FANCC: variants seen among roughly 807,000 people sequenced by gnomAD.
The protein encoded by FANCC is Fanconi anemia group C protein.
FANCC carries 55 observed loss-of-function variants against 71.3 expected under a neutral mutation model. The observed-to-expected ratio is 0.77, with a 90% CI of 0.62 to 0.97. The LOEUF (loss-of-function observed/expected upper bound fraction) is 0.97, where lower values mean the gene tolerates loss of function less well. FANCC is among the 50% of genes least tolerant of loss of function. The pLI is 0.00. For missense variants in FANCC, 678 were observed against 670.9 expected (o/e 1.01, Z -0.12); for synonymous variants, 275 against 244.9 (o/e 1.12, Z -1.15).
chr9:95,127,782 T>TCGCGGCCTCCC (rs1826236211), intron 8 of FANCC, among the ~76,000 whole-genome samples: 1 of 152,222 alleles, frequency 6.6e-6, no homozygotes, highest in East Asian at 1.9e-4. Context: ...CCGCGCCTCC[T>TCGCGGCCTCCC]CGCGGCCTCC....
At chr9:95,159,033 C>T (rs1180704148) in intron 6 of FANCC, among the ~76,000 whole-genome samples, 1 of 147,548 alleles carries the variant, frequency 6.8e-6, no homozygotes, top group Non-Finnish European at 1.5e-5. Context: ...TTTTTTTGAC[C>T]TTTTTTTTTT....
Position 95,119,469 on chromosome 9 carries a change from G to A in FANCC, c.997-2079C>T, listed in dbSNP as rs909865806. Among the ~76,000 whole-genome samples the A allele has an allele frequency of 3.3e-5, 5 of 151,128 alleles. No individual in the cohort carries two copies. In the East Asian group the frequency reaches 5.9e-4, roughly 18 times the overall value. ...CAACCTCCACCTCCCAGGTTCAAGC[G>A]ATTCTCCTGCCTCAGCCTCCCAAAT... On this transcript the variant is annotated intron_variant, in intron 10 of 14. Coordinates refer to ENST00000289081, the MANE Select transcript of FANCC (RefSeq NM_000136.3).
intron 1 of FANCC, among the ~76,000 whole-genome samples, chr9:95,307,726 G>A (rs1025875602): frequency 2.0e-5 from 3 of 152,246 alleles, no homozygotes; most frequent in Non-Finnish European, 2.9e-5. Context: ...AGTAGGTATA[G>A]CTCAGTGGTA....
At position 95,249,183 on chromosome 9, in the gene FANCC, G is replaced by C. The variant is rs864622230; in HGVS notation, c.109C>G (p.His37Asp). The C allele has an allele frequency of 1.7e-5, 28 of 1,614,028 alleles. No individual in the cohort carries two copies. Among genetic ancestry groups the C allele is most frequent in the Non-Finnish European group, 2.4e-5 (28 of 1,180,020 alleles). ...TLETQQDTCLHVAQFQEFLRK... is the reference protein window; with the variant it reads ...TLETQQDTCLDVAQFQEFLRK... ...AGGAACTCCTGGAACTGAGCCACGT[G>C]AAGACAGGTGTCTTGCTGGGTTTCC... Residue 37 changes from histidine (H) to aspartate (D), a missense_variant, in exon 2 of 15, where the codon CAC becomes GAC. Physicochemically the swap from His to Asp is moderately conservative, Grantham distance 81. Coordinates refer to ENST00000289081, the MANE Select transcript of FANCC (RefSeq NM_000136.3).
intron 4 of FANCC, among the ~76,000 whole-genome samples, chr9:95,226,817 A>G (rs1829649112): frequency 6.6e-6 from 1 of 152,126 alleles, no homozygotes; most frequent in Non-Finnish European, 1.5e-5. Flanking sequence ...TTTGACAACC[A>G]TATCATATTC....
intron 4 of FANCC, among the ~76,000 whole-genome samples, chr9:95,225,348 G>A (rs985328150): frequency 6.6e-6 from 1 of 152,188 alleles, no homozygotes; most frequent in Admixed American, 6.5e-5. Context: ...AGGCAATTTA[G>A]GTTGAAATAC....
chr9:95,166,046 TTGATA>T (rs1411212513), intron 6 of FANCC, among the ~76,000 whole-genome samples: 7 of 152,040 alleles, frequency 4.6e-5, no homozygotes, highest in Non-Finnish European at 8.8e-5. Context: ...TTTTGATAGT[TTGATA>T]TAAGTATGGC....
chr9:95,162,736 C>T (rs1830825717), intron 6 of FANCC, among the ~76,000 whole-genome samples: 2 of 152,120 alleles, frequency 1.3e-5, no homozygotes, highest in African/African-American at 4.8e-5. Context: ...TTTTCATATG[C>T]TTGTTGGTCA....
At chr9:95,315,505 T>C (rs1040754579) in intron 1 of FANCC, among the ~76,000 whole-genome samples, 1 of 152,234 alleles carries the variant, frequency 6.6e-6, no homozygotes, top group Non-Finnish European at 1.5e-5. Context: ...ATTACAGGCA[T>C]AAGCCACCAT....
chr9:95,227,028 G>A (rs1223451120), intron 4 of FANCC, among the ~76,000 whole-genome samples: 1 of 152,128 alleles, frequency 6.6e-6, no homozygotes, highest in Non-Finnish European at 1.5e-5. Flanking sequence ...CCTCTGCACA[G>A]TCCTGTCTCC....
At chr9:95,120,872 A>C (rs2072822628) in intron 10 of FANCC, among the ~76,000 whole-genome samples, 1 of 151,878 alleles carries the variant, frequency 6.6e-6, no homozygotes, top group Non-Finnish European at 1.5e-5. Flanking sequence ...TTTTCCCCTC[A>C]ATTTTTTTGT....
chr9:95,172,193 C>A, intron 4 of FANCC, 46 bp from the exon 5 acceptor site: 3 of 1,272,220 alleles, frequency 2.4e-6, no homozygotes, highest in Non-Finnish European at 3.4e-6. Flanking sequence ...AAAGTAAATG[C>A]AAGTGCCTTT....
At chr9:95,311,846 A>G (rs763972332) in intron 1 of FANCC, among the ~76,000 whole-genome samples, 2 of 152,174 alleles carry the variant, frequency 1.3e-5, no homozygotes, top group Non-Finnish European at 2.9e-5. Context: ...TATATCACAC[A>G]TAAATGTTTC....
chr9:95,314,154 T>C (rs1387145001), intron 1 of FANCC, among the ~76,000 whole-genome samples: 1 of 152,266 alleles, frequency 6.6e-6, no homozygotes, highest in Non-Finnish European at 1.5e-5. Context: ...TATATTGGCA[T>C]GATGCCGTAT....
chr9:95,238,103 C>T (rs1224980732), intron 4 of FANCC, among the ~76,000 whole-genome samples: 1 of 152,218 alleles, frequency 6.6e-6, no homozygotes, highest in Non-Finnish European at 1.5e-5. Context: ...CCCCTCCTTA[C>T]ATTCTGTAGC....
chr9:95,212,545 A>G (rs1303180938), intron 4 of FANCC, among the ~76,000 whole-genome samples: 2 of 152,168 alleles, frequency 1.3e-5, no homozygotes, highest in East Asian at 3.8e-4. Flanking sequence ...TTTCCGAGAA[A>G]CCAAAGCTGA....
chr9:95,135,372 C>A lies in FANCC; in HGVS notation c.817G>T (p.Glu273Ter). 6.2e-7 allele frequency: 1 copy of A among 1,614,018 alleles called. No individual in the cohort carries two copies. Among genetic ancestry groups the A allele is most frequent in the Non-Finnish European group, 8.5e-7 (1 of 1,180,000 alleles). Residue 273 changes from glutamate (E) to a stop codon, truncating the protein, a stop_gained, in exon 8 of 15, where the codon GAA becomes TAA. Transcript: ENST00000289081. LOFTEE classifies it high-confidence loss of function. ...AGCGATGAATCTTTTATAAAGCATTCGATCCTTCTCAGACAATTTCTCTCA... is the reference window on the plus strand; with the variant it reads ...AGCGATGAATCTTTTATAAAGCATTAGATCCTTCTCAGACAATTTCTCTCA... ...SSERNCLRRIECFIKDSSLPQ... is the reference protein window; with the variant it reads ...SSERNCLRRI
chr9:95,266,911 C>T (rs564928163), intron 1 of FANCC, among the ~76,000 whole-genome samples: 10 of 152,076 alleles, frequency 6.6e-5, no homozygotes, highest in African/African-American at 1.7e-4. Context: ...TAAGATGGCA[C>T]GGTAAATTCA....
intron 4 of FANCC, among the ~76,000 whole-genome samples, chr9:95,239,957 A>C (rs1203195683): frequency 3.9e-5 from 6 of 152,206 alleles, no homozygotes; most frequent in Non-Finnish European, 7.4e-5. Context: ...TTGCTGCAGC[A>C]AGGCAGTGCG....
Sources: gnomAD v4.1 joint callset for allele counts (sites outside exome capture counted in the v4.1 genomes callset) on GRCh38, gnomAD v4.1.1 for gene constraint, MANE v1.5 for transcripts, NCBI Gene and HGNC (gene_info 2026-07-23, HGNC 2026-07-21) for gene names.